Variants in ADK observed in about 807,000 individuals in gnomAD.
ADK encodes N6,N6-dimethyladenosine kinase.
A neutral mutation model predicts 44.7 loss-of-function variants in ADK; 24 were observed. The ratio of observed to expected loss-of-function variants is 0.54; its 90% CI spans 0.39 to 0.76. The LOEUF is 0.76. Ranked by LOEUF, ADK falls within the 30% of genes least tolerant of loss-of-function variation. ADK has a pLI of 0.00. For missense variants in ADK, 321 were observed against 425.1 expected, an observed-to-expected ratio of 0.76 and a Z score of 2.15; for synonymous variants, 128 against 142.6, an observed-to-expected ratio of 0.90 and a Z score of 0.73.
At chr10:74,497,854 G>A (rs1267774838) in intron 6 of ADK, among the ~76,000 whole-genome samples, 5 of 151,868 alleles carry the variant, frequency 3.3e-5, no homozygotes, top group Non-Finnish European at 5.9e-5. Flanking sequence ...GGAAGTTCTA[G>A]TGCTACCTAC....
chr10:74,624,917 T>A (rs1428898806), intron 9 of ADK, among the ~76,000 whole-genome samples: 4 of 152,070 alleles, frequency 2.6e-5, no homozygotes, highest in African/African-American at 7.2e-5. Context: ...GTGCTAAGTA[T>A]ATGCCAGGTA....
At chr10:74,266,333 T>C (rs1436671774) in intron 3 of ADK, among the ~76,000 whole-genome samples, 2 of 151,944 alleles carry the variant, frequency 1.3e-5, no homozygotes, top group Non-Finnish European at 2.9e-5. Context: ...CCGAGGTGGG[T>C]GGATCACGAG....
intron 7 of ADK, among the ~76,000 whole-genome samples, chr10:74,569,117 T>C (rs1444180940): frequency 6.6e-6 from 1 of 152,224 alleles, no homozygotes; most frequent in Non-Finnish European, 1.5e-5. Context: ...CATCATTTTT[T>C]ATGGCTGCAT....
chr10:74,426,235 T>C (rs978245337), intron 6 of ADK, among the ~76,000 whole-genome samples: 8 of 152,314 alleles, frequency 5.3e-5, no homozygotes, highest in Middle Eastern at 3.4e-3. Context: ...AGACTAAACA[T>C]AAAATGCTGC....
At chr10:74,265,318 C>G (rs990286282) in intron 3 of ADK, among the ~76,000 whole-genome samples, 1 of 151,616 alleles carries the variant, frequency 6.6e-6, no homozygotes, top group African/African-American at 2.4e-5. Context: ...TGGGTTCAAG[C>G]GATTCCCCTG....
Position 74,180,511 on chromosome 10 carries a change from G to A in ADK, c.66-20253G>A, listed in dbSNP as rs1234451006. ...GTCTCGCTCTGTCACCCAGGCTGGA[G>A]TGCAGTGGTGCGATCCGGCTCACTT... is the stretch of plus-strand genomic sequence containing the variant. On this transcript the variant is annotated intron_variant, in intron 1 of 10. Coordinates refer to ENST00000539909, the MANE Select transcript of ADK (RefSeq NM_006721.4). 2.8e-5 allele frequency among the ~76,000 whole-genome samples: 4 copies of A among 144,514 alleles called. No homozygotes were observed. The Admixed American group carries it at 2.8e-4, about 10-fold the overall frequency. The allele number at this position is 144,514 out of a possible 152,430, so 94.8% of individuals were successfully genotyped here. A position where few individuals can be genotyped will look rare whatever the true frequency, so the allele number is the denominator to read the frequency against.
At chr10:74,474,694 T>C (rs762701900) in intron 6 of ADK, among the ~76,000 whole-genome samples, 110 of 151,732 alleles carry the variant, frequency 7.2e-4, no homozygotes, top group Non-Finnish European at 1.3e-3. Flanking sequence ...GTGTGTGTGT[T>C]TGCATGTGTA....
chr10:74,204,932 C>T (rs1269347832), intron 2 of ADK, among the ~76,000 whole-genome samples: 16 of 149,380 alleles, frequency 1.1e-4, no homozygotes, highest in African/African-American at 4.0e-4. Flanking sequence ...CCCAGTTACT[C>T]GGGTGGCTGA....
chr10:74,598,012 A>G lies in ADK; in HGVS notation c.763-2367A>G, dbSNP rs914154986. Among the ~76,000 whole-genome samples the G allele has an allele frequency of 2.6e-5, 4 of 152,176 alleles. No homozygotes were observed. In the South Asian group the frequency reaches 8.3e-4, roughly 31 times the overall value. ...ATCCTGTTTTCTTTAATTTTTGCCC[A>G]CTAATCTTAGCATACTTATCCCTCA... is the stretch of plus-strand genomic sequence containing the variant. On this transcript the variant is annotated intron_variant, in intron 8 of 10. Transcript: ENST00000539909.
At chr10:74,657,026 G>GTT (rs1314839172) in intron 9 of ADK, among the ~76,000 whole-genome samples, 6 of 142,452 alleles carry the variant, frequency 4.2e-5, no homozygotes, top group Admixed American at 1.4e-4. Flanking sequence ...TACCTAGCTA[G>GTT]TTTTTTTTTT....
chr10:74,292,604 C>G (rs2132485001), intron 3 of ADK, among the ~76,000 whole-genome samples: 1 of 152,300 alleles, frequency 6.6e-6, no homozygotes. Context: ...GCAGCCCTCT[C>G]TATTTCACTT....
At chr10:74,510,799 C>T (rs1248600397) in intron 6 of ADK, among the ~76,000 whole-genome samples, 4 of 152,168 alleles carry the variant, frequency 2.6e-5, no homozygotes, top group African/African-American at 9.7e-5. Context: ...CCTTGACCTC[C>T]TAGGCTAAGG....
At chr10:74,638,698 T>G (rs531266285) in intron 9 of ADK, among the ~76,000 whole-genome samples, 2 of 152,368 alleles carry the variant, frequency 1.3e-5, no homozygotes, top group African/African-American at 4.8e-5. Flanking sequence ...TTTTTGCTTT[T>G]ATTAATGAGC....
intron 7 of ADK, among the ~76,000 whole-genome samples, chr10:74,552,027 A>ATTT (rs1850052362): frequency 1.5e-5 from 2 of 136,578 alleles, no homozygotes; most frequent in Admixed American, 7.3e-5. Context: ...TATTATTATT[A>ATTT]TTTTTTATTG....
In ADK at chr10:74,394,283, C is replaced by G; in HGVS notation, c.416C>G (p.Thr139Ser). The G allele has an allele frequency of 6.2e-7, 1 of 1,614,034 alleles. No individual in the cohort carries two copies. Among genetic ancestry groups the G allele is most frequent in the Non-Finnish European group, 8.5e-7 (1 of 1,179,954 alleles). The part of the protein sequence containing the change: ...YYEQNEQPTG[T>S]CAACITGDNR... ...GAGCAGAATGAGCAGCCAACAGGAA[C>G]TTGTGCTGCATGCATCACTGGTGAC... The change falls in exon 5 of 11, where the codon ACT (threonine) becomes AGT (serine). Residue 139 changes from threonine to serine, a missense_variant. Transcript: ENST00000539909.
At chr10:74,636,855 A>G (rs1239641355) in intron 9 of ADK, among the ~76,000 whole-genome samples, 1 of 152,228 alleles carries the variant, frequency 6.6e-6, no homozygotes, top group African/African-American at 2.4e-5. Flanking sequence ...CAGAAGAAAC[A>G]GCACATAAAA....
chr10:74,297,452 ATATT>A (rs1839857099), intron 3 of ADK, among the ~76,000 whole-genome samples: 1 of 152,242 alleles, frequency 6.6e-6, no homozygotes, highest in African/African-American at 2.4e-5. Context: ...TTAACACTAA[ATATT>A]TGTTTTCCAG....
chr10:74,322,062 T>C (rs534698138), intron 4 of ADK, among the ~76,000 whole-genome samples: 3 of 152,218 alleles, frequency 2.0e-5, no homozygotes, highest in Non-Finnish European at 4.4e-5. Context: ...TTGAATCCTT[T>C]TTTGAAAAAA....
intron 9 of ADK, among the ~76,000 whole-genome samples, chr10:74,602,363 T>A (rs1852171023): frequency 6.6e-6 from 1 of 152,204 alleles, no homozygotes; most frequent in Non-Finnish European, 1.5e-5. Flanking sequence ...ACATACAGGC[T>A]TCTTATAGGA....
Sources: gnomAD v4.1 joint callset for allele counts (sites outside exome capture counted in the v4.1 genomes callset) on GRCh38, gnomAD v4.1.1 for gene constraint, MANE v1.5 for transcripts, NCBI Gene and HGNC (gene_info 2026-07-23, HGNC 2026-07-21) for gene names.